GRID2: variants seen among roughly 807,000 people sequenced by gnomAD.
GRID2 encodes glutamate receptor ionotropic, delta-2.
Under a neutral mutation model 114.8 loss-of-function variants are expected in GRID2, and 33 were observed. The ratio of observed to expected loss-of-function variants is 0.29; its 90% confidence interval spans 0.22 to 0.38. The LOEUF is 0.38. GRID2 is among the 10% of genes least tolerant of loss of function. The pLI is 1.00. For missense variants in GRID2, 1,184 were observed against 1,257.7 expected (o/e 0.94, Z 0.89); for synonymous variants, 505 against 449.9 (o/e 1.12, Z -1.55).
chr4:92,353,798 A>G (rs1218050750), intron 1 of GRID2, among the ~76,000 whole-genome samples: 1 of 151,966 alleles, frequency 6.6e-6, no homozygotes, highest in Admixed American at 6.6e-5. Flanking sequence ...ATTTCTCAAC[A>G]TGTGTCATGC....
intron 2 of GRID2, among the ~76,000 whole-genome samples, chr4:92,992,423 T>C (rs549023642): frequency 3.3e-5 from 5 of 152,318 alleles, no homozygotes; most frequent in South Asian, 2.1e-4. Flanking sequence ...AATTATTTTA[T>C]ATAATAGCTA....
intron 11 of GRID2, among the ~76,000 whole-genome samples, chr4:93,458,921 GCACAT>G (rs1217526688): frequency 2.0e-5 from 3 of 151,942 alleles, no homozygotes; most frequent in Non-Finnish European, 2.9e-5. Context: ...TGGCATGGTG[GCACAT>G]GCCAGCACTT....
intron 2 of GRID2, among the ~76,000 whole-genome samples, chr4:92,944,116 C>G (rs1033739734): frequency 7.9e-5 from 12 of 152,204 alleles, no homozygotes; most frequent in African/African-American, 2.2e-4. Flanking sequence ...AGCTGTCAGA[C>G]AGGTACATTT....
At chr4:93,738,854 G>T (rs931409594) in intron 14 of GRID2, among the ~76,000 whole-genome samples, 11 of 151,934 alleles carry the variant, frequency 7.2e-5, no homozygotes, top group African/African-American at 2.7e-4. Context: ...AAGGAGAAGA[G>T]AATATAAAAG....
At chr4:92,740,233 C>T (rs941045734) in intron 2 of GRID2, among the ~76,000 whole-genome samples, 1 of 152,124 alleles carries the variant, frequency 6.6e-6, no homozygotes, top group Non-Finnish European at 1.5e-5. Context: ...CTGTGTGTAA[C>T]TCAAGGAAAG....
chr4:92,497,558 A>T (rs1041078558), intron 1 of GRID2, among the ~76,000 whole-genome samples: 16 of 151,932 alleles, frequency 1.1e-4, no homozygotes, highest in African/African-American at 3.9e-4. Context: ...CTTTTACAGC[A>T]TTACTTAGAA....
intron 12 of GRID2, among the ~76,000 whole-genome samples, chr4:93,498,398 G>T (rs184333379): frequency 1.3e-5 from 2 of 151,892 alleles, no homozygotes; most frequent in African/African-American, 4.8e-5. Flanking sequence ...TCTCCTAAAG[G>T]TCCCCCTCTT....
At chr4:92,804,048 C>T (rs1740296227) in intron 2 of GRID2, among the ~76,000 whole-genome samples, 1 of 151,950 alleles carries the variant, frequency 6.6e-6, no homozygotes, top group Admixed American at 6.6e-5. Context: ...GCCAGACTTC[C>T]TTCTGTGTCT....
intron 1 of GRID2, among the ~76,000 whole-genome samples, chr4:92,459,967 C>T (rs1221390479): frequency 9.7e-5 from 14 of 143,924 alleles, no homozygotes. Flanking sequence ...GCCTGCTGGC[C>T]TGCCCTGCAC....
intron 13 of GRID2, among the ~76,000 whole-genome samples, chr4:93,565,010 G>C (rs931178800): frequency 4.0e-5 from 6 of 151,554 alleles, no homozygotes; most frequent in Admixed American, 1.3e-4. Flanking sequence ...AATATTATAT[G>C]GCTTTTGAAA....
At chr4:93,553,945 A>G (rs991347040) in intron 13 of GRID2, among the ~76,000 whole-genome samples, 1 of 152,200 alleles carries the variant, frequency 6.6e-6, no homozygotes, top group Admixed American at 6.5e-5. Context: ...ATCAACATTT[A>G]TCTATCTTAT....
At chr4:93,194,951 T>A (rs1444465388) in intron 4 of GRID2, among the ~76,000 whole-genome samples, 1 of 152,196 alleles carries the variant, frequency 6.6e-6, no homozygotes, top group African/African-American at 2.4e-5. Flanking sequence ...AATACTCAAA[T>A]ACATTGTGCA....
At chr4:92,585,030 G>T (rs1728362649) in intron 1 of GRID2, among the ~76,000 whole-genome samples, 1 of 151,930 alleles carries the variant, frequency 6.6e-6, no homozygotes, top group African/African-American at 2.4e-5. Context: ...TTCCACTATG[G>T]CTTTATTAAA....
chr4:92,404,757 A>C (rs1730947765), intron 1 of GRID2, among the ~76,000 whole-genome samples: 1 of 152,298 alleles, frequency 6.6e-6, no homozygotes, highest in Admixed American at 6.5e-5. Flanking sequence ...GGAAGCCATT[A>C]TTTTCAGCAA....
chr4:93,617,606 A>T (rs1385628152), intron 13 of GRID2, among the ~76,000 whole-genome samples: 2 of 152,188 alleles, frequency 1.3e-5, no homozygotes, highest in Admixed American at 1.3e-4. Flanking sequence ...TATTCGGGTC[A>T]TGCTGGCATT....
At chr4:93,397,897 T>G (rs1329016262) in intron 9 of GRID2, among the ~76,000 whole-genome samples, 1 of 151,660 alleles carries the variant, frequency 6.6e-6, no homozygotes, top group Non-Finnish European at 1.5e-5. Flanking sequence ...TTTATTGGGT[T>G]TTTTTCCTAA....
At chr4:92,752,198 C>T (rs1487526879) in intron 2 of GRID2, among the ~76,000 whole-genome samples, 2 of 152,152 alleles carry the variant, frequency 1.3e-5, no homozygotes, top group Non-Finnish European at 2.9e-5. Flanking sequence ...ATTCATGAAA[C>T]TTCAATTCAG....
chr4:92,921,528 G>A (rs1749337364), intron 2 of GRID2, among the ~76,000 whole-genome samples: 1 of 152,140 alleles, frequency 6.6e-6, no homozygotes, highest in Admixed American at 6.6e-5. Flanking sequence ...GGATTTTGGT[G>A]TGGAAGTCCT....
chr4:93,587,573 G>T (rs1388676326), intron 13 of GRID2, among the ~76,000 whole-genome samples: 1 of 152,010 alleles, frequency 6.6e-6, no homozygotes, highest in African/African-American at 2.4e-5. Flanking sequence ...AAGGCTCCTT[G>T]AAATCTATCC....
Sources: gnomAD v4.1 joint callset for allele counts (sites outside exome capture counted in the v4.1 genomes callset) on GRCh38, gnomAD v4.1.1 for gene constraint, MANE v1.5 for transcripts, NCBI Gene and HGNC (gene_info 2026-07-23, HGNC 2026-07-21) for gene names.